The following EFR3B variants were observed in gnomAD, a reference collection of about 807,000 sequenced individuals.
EFR3B encodes EFR3 homolog B.
EFR3B carries 64 observed loss-of-function variants against 104.7 expected under a neutral mutation model. The ratio of observed to expected loss-of-function variants is 0.61; its 90% confidence interval spans 0.50 to 0.75. EFR3B has a LOEUF of 0.75. EFR3B is among the 30% of genes least tolerant of loss of function. The pLI is 0.00. For missense variants in EFR3B, 750 were observed against 1,078.5 expected, an observed-to-expected ratio of 0.70 and a Z score of 4.27; for synonymous variants, 385 against 417.9, an observed-to-expected ratio of 0.92 and a Z score of 0.96.
chr2:25,126,337 C>T (rs1172590633), intron 5 of EFR3B, among the ~76,000 whole-genome samples: 1 of 152,030 alleles, frequency 6.6e-6, no homozygotes, highest in Non-Finnish European at 1.5e-5. Context: ...TACAGGTGCG[C>T]ACCACCATAC....
intron 4 of EFR3B, among the ~76,000 whole-genome samples, chr2:25,111,676 G>A (rs1213623208): frequency 6.6e-6 from 1 of 152,168 alleles, no homozygotes; most frequent in Non-Finnish European, 1.5e-5. Context: ...TAATCTCAAG[G>A]GTCATTATAA....
In EFR3B at chr2:25,088,208, C is replaced by T. The variant is rs372815862; in HGVS notation, c.8-3117C>T. 1.6e-4 allele frequency among the ~76,000 whole-genome samples: 25 copies of T among 152,194 alleles called. 1 individual carries two copies. The highest frequency in any genetic ancestry group is 3.9e-4 in the East Asian group (2 of 5,188). Reference sequence around the variant, plus strand: ...CCAGCGTGCCTCTTGTTTGTAGCTCCATTCTGTTGTGTGAGCTCATGTTGT... The same window carrying T: ...CCAGCGTGCCTCTTGTTTGTAGCTCTATTCTGTTGTGTGAGCTCATGTTGT... On this transcript the variant is annotated intron_variant, in intron 1 of 22. Coordinates refer to ENST00000403714, the MANE Select transcript of EFR3B (RefSeq NM_014971.2).
At chr2:25,081,571 T>A in intron 1 of EFR3B, 2 of 900,076 alleles carry the variant, frequency 2.2e-6, no homozygotes, top group Non-Finnish European at 1.9e-6. Flanking sequence ...GAGTCCATGG[T>A]TATTCAACAA....
At chr2:25,060,957 C>G (rs1240739756) in intron 1 of EFR3B, among the ~76,000 whole-genome samples, 1 of 136,934 alleles carries the variant, frequency 7.3e-6, no homozygotes, top group Admixed American at 7.4e-5. Context: ...ACAACAAAAA[C>G]CAAAAAACTA....
chr2:25,117,454 C>G lies in EFR3B; in HGVS notation c.364-4219C>G, dbSNP rs538769829. ...AAACAGAGTTTTTTGCTCTTATTAC[C>G]CAGGCTGGAGTGCAATGGTGCAATC... On this transcript the variant is annotated intron_variant, in intron 4 of 22. Transcript: ENST00000403714. Among the ~76,000 whole-genome samples the G allele has an allele frequency of 2.6e-3, 386 of 151,302 alleles. 1 individual carries two copies. Among genetic ancestry groups the G allele is most frequent in the African/African-American group, 9.0e-3 (369 of 41,186 alleles).
In EFR3B at chr2:25,130,552, C is replaced by T. The variant is rs773308881; in HGVS notation, c.771C>T (p.Ile257=). ...NIKNAIKPVL[I]HLDNHSLWEP... The stretch of plus-strand genomic sequence containing the variant: ...TTCCCCCACGTTTTCTCCCTCACAG[C>T]CATCTGGATAACCATTCTCTTTGGG... Residue 257 remains isoleucine (I), a splice_region_variant and synonymous_variant, in exon 8 of 23, where the codon ATC becomes ATT. Transcript: ENST00000403714. This position sits in a 1 kb window ranked among gnomAD's most constrained non-coding sequence, Gnocchi z 4.6. The T allele has an allele frequency of 6.4e-7, 1 of 1,551,562 alleles. No homozygotes were observed.
chr2:25,153,842 G>T, intron 22 of EFR3B, 81 bp downstream of exon 22: 1 of 1,395,652 alleles, frequency 7.2e-7, no homozygotes, highest in South Asian at 1.2e-5. Flanking sequence ...TCTCACCCCT[G>T]TCTTCTCTTC....
In EFR3B at chr2:25,153,769, A is replaced by T; in HGVS notation, c.2348+8A>T. On this transcript the variant is annotated splice_region_variant and intron_variant, in intron 22 of 22. Transcript: ENST00000403714. Reference sequence around the variant, plus strand: ...CTTTGAAATCACCATCCGGTAAGTGACAACCCTGGGCAGGGGACCCTGACC... The same window carrying T: ...CTTTGAAATCACCATCCGGTAAGTGTCAACCCTGGGCAGGGGACCCTGACC... 3 of 1,551,688 alleles carry T rather than the reference A, an allele frequency of 1.9e-6. No individual in the cohort carries two copies. Among genetic ancestry groups the T allele is most frequent in the Non-Finnish European group, 2.6e-6 (3 of 1,146,994 alleles).
intron 4 of EFR3B, among the ~76,000 whole-genome samples, chr2:25,111,146 G>A (rs1669714805): frequency 3.3e-5 from 5 of 152,230 alleles, no homozygotes; most frequent in East Asian, 1.9e-4. Context: ...TTGCTATACC[G>A]GGTATCACAG....
chr2:25,153,400 G>A (rs983831075), intron 21 of EFR3B, among the ~76,000 whole-genome samples: 6 of 151,882 alleles, frequency 4.0e-5, no homozygotes, highest in African/African-American at 4.8e-5. Flanking sequence ...GCAGTCTCCC[G>A]ACTCCATGCC....
Position 25,087,693 on chromosome 2 carries a change from G to A in EFR3B, c.8-3632G>A, listed in dbSNP as rs904500304. On this transcript the variant is annotated intron_variant, in intron 1 of 22. Coordinates refer to ENST00000403714, the MANE Select transcript of EFR3B (RefSeq NM_014971.2). ...TCACCATGTTGGCCAGGCTGGTCTC[G>A]AACTCCTGACCTCGAGTGATCCACC... is the stretch of plus-strand genomic sequence containing the variant. 5.9e-5 allele frequency among the ~76,000 whole-genome samples: 9 copies of A among 151,994 alleles called. No homozygotes were observed. The East Asian group carries it at 1.5e-3, about 26-fold the overall frequency.
chr2:25,148,623 C>CTT (rs754825875), intron 19 of EFR3B, among the ~76,000 whole-genome samples: 1 of 151,206 alleles, frequency 6.6e-6, no homozygotes, highest in East Asian at 2.0e-4. Context: ...TAATTTAATA[C>CTT]TTTAAGACTT....
In EFR3B at chr2:25,066,074, T is replaced by C. The variant is rs1053380130; in HGVS notation, c.7+23755T>C. ...TTTCCTTCTGACTTCCTTTCATAAC[T>C]CCTTAGCACTTCACTGCGGGCTGGA... is the stretch of plus-strand genomic sequence containing the variant. On this transcript the variant is annotated intron_variant, in intron 1 of 22. Transcript: ENST00000403714. Among the ~76,000 whole-genome samples the C allele has an allele frequency of 8.6e-5, 13 of 151,838 alleles. 1 individual carries two copies. Among genetic ancestry groups the C allele is most frequent in the South Asian group, 2.1e-4 (1 of 4,816 alleles).
chr2:25,135,415 C>A (rs1042561908), intron 12 of EFR3B, 52 bp from the exon 13 acceptor site: 3 of 1,539,824 alleles, frequency 1.9e-6, no homozygotes, highest in Non-Finnish European at 2.6e-6. Context: ...TCTCCTCCTG[C>A]ACCTGAGAGG....
rs1291463121 is a variant in EFR3B at position 25,042,397 on chromosome 2, C to G, written c.7+78C>G. The G allele has an allele frequency of 1.2e-5, 15 of 1,228,456 alleles. No individual in the cohort carries two copies. The highest frequency in any genetic ancestry group is 1.6e-5 in the African/African-American group (1 of 63,886). The allele number at this position is 1,228,456 out of a possible 1,614,324, so 76.1% of individuals were successfully genotyped here. A position where few individuals can be genotyped will look rare whatever the true frequency, so the allele number is the denominator to read the frequency against. The stretch of plus-strand genomic sequence containing the variant: ...TTCCCCGGCGCGGACCATTGTCCCC[C>G]TGCACGGCCCTGGCGCGGGGCCAGG... On this transcript the variant is annotated intron_variant, in intron 1 of 22. Transcript: ENST00000403714. This position sits in a 1 kb window ranked among gnomAD's most constrained non-coding sequence, Gnocchi z 5.4.
chr2:25,148,279 A>G (rs1670884657), intron 19 of EFR3B, among the ~76,000 whole-genome samples: 1 of 148,792 alleles, frequency 6.7e-6, no homozygotes, highest in Non-Finnish European at 1.5e-5. Flanking sequence ...AAAAAAACAG[A>G]GTCTCCCTCT....
At chr2:25,050,987 G>A (rs1320418601) in intron 1 of EFR3B, among the ~76,000 whole-genome samples, 1 of 152,194 alleles carries the variant, frequency 6.6e-6, no homozygotes, top group East Asian at 1.9e-4. Context: ...CCAAATGCGA[G>A]TTTGTGGAGA....
In EFR3B at chr2:25,131,689, G is replaced by A. The variant is rs996528283; in HGVS notation, c.986-61G>A. On this transcript the variant is annotated intron_variant, in intron 9 of 22. Coordinates refer to ENST00000403714, the MANE Select transcript of EFR3B (RefSeq NM_014971.2). The surrounding 1 kb of genome is among the most constrained non-coding windows in gnomAD (Gnocchi z 7.6). ...GCGTGACCCTGCCCTGCCTGCGCGC[G>A]GTGCACAGAGGAGGAGGGTGCCAGC... 6 of 1,476,196 alleles carry A rather than the reference G, an allele frequency of 4.1e-6. No individual in the cohort carries two copies. Among genetic ancestry groups the A allele is most frequent in the South Asian group, 1.4e-5 (1 of 72,112 alleles). 91.4% of individuals were successfully genotyped at this position (1,476,196 alleles called of 1,614,324 possible).
Position 25,130,655 on chromosome 2 carries a change from C to T in EFR3B, c.849+25C>T, listed in dbSNP as rs141159230. The T allele has an allele frequency of 6.7e-4, 1,037 of 1,541,220 alleles. 7 individuals are homozygous for T. The African/African-American group carries it at 0.013, about 19-fold the overall frequency. ...GGTATGGTGGCTCCCCTGGGCCAGC[C>T]GGATCCCAGGACAAAGGCCTCTCTA... On this transcript the variant is annotated intron_variant, in intron 8 of 22. Transcript: ENST00000403714. The surrounding 1 kb of genome is among the most constrained non-coding windows in gnomAD (Gnocchi z 4.6).
Sources: gnomAD v4.1 joint callset for allele counts (sites outside exome capture counted in the v4.1 genomes callset) on GRCh38, gnomAD v4.1.1 for gene constraint, Gnocchi (gnomAD v3.1) non-coding constraint, MANE v1.5 for transcripts, NCBI Gene and HGNC (gene_info 2026-07-23, HGNC 2026-07-21) for gene names.